Variants in ZCWPW2 observed in about 807,000 individuals in gnomAD.
ZCWPW2 encodes the protein zinc finger CW-type PWWP domain protein 2.
Under a neutral mutation model 46.6 loss-of-function variants are expected in ZCWPW2, and 45 were observed. The ratio of observed to expected loss-of-function variants is 0.96; its 90% CI spans 0.76 to 1.24. The LOEUF (loss-of-function observed/expected upper bound fraction) is 1.24. ZCWPW2 is among the 50% of genes most tolerant of loss of function. The pLI is 0.00. For missense variants in ZCWPW2, 429 were observed against 403.9 expected, an observed-to-expected ratio of 1.06 and a Z score of -0.53; for synonymous variants, 152 against 137.1, an observed-to-expected ratio of 1.11 and a Z score of -0.76.
At chr3:28,434,999 T>C in intron 3 of ZCWPW2, 111 bp from the exon 4 acceptor site, 1 of 1,109,578 alleles carries the variant, frequency 9.0e-7, no homozygotes, top group African/African-American at 1.6e-5. Context: ...ATATATGTTT[T>C]GTGAAAAGGC....
intron 1 of ZCWPW2, among the ~76,000 whole-genome samples, chr3:28,350,478 G>A (rs1164803225): frequency 5.3e-5 from 8 of 152,028 alleles, no homozygotes; most frequent in Non-Finnish European, 1.2e-4. Context: ...CTACACAGTG[G>A]GTTTATTAAC....
intron 6 of ZCWPW2, among the ~76,000 whole-genome samples, chr3:28,502,662 G>GT (rs554558406): frequency 1.6e-4 from 24 of 152,120 alleles, no homozygotes; most frequent in Non-Finnish European, 1.3e-4. Context: ...GGCAAGTAGT[G>GT]TAAGAAATGT....
At chr3:28,475,756 A>G (rs1191079683) in intron 4 of ZCWPW2, among the ~76,000 whole-genome samples, 1 of 152,144 alleles carries the variant, frequency 6.6e-6, no homozygotes, top group Non-Finnish European at 1.5e-5. Flanking sequence ...GGATTTATAT[A>G]TGGCTAACTT....
chr3:28,401,482 A>C (rs1358533573), intron 2 of ZCWPW2, among the ~76,000 whole-genome samples: 1 of 152,216 alleles, frequency 6.6e-6, no homozygotes, highest in Non-Finnish European at 1.5e-5. Context: ...CAACACAGTA[A>C]TAGTGGGGGA....
chr3:28,472,498 G>C (rs908024602), intron 4 of ZCWPW2, among the ~76,000 whole-genome samples: 1 of 152,124 alleles, frequency 6.6e-6, no homozygotes, highest in African/African-American at 2.4e-5. Flanking sequence ...AATAAATGTT[G>C]CTGAGAAAAC....
At chr3:28,442,261 C>A (rs1035863039) in intron 4 of ZCWPW2, among the ~76,000 whole-genome samples, 2 of 152,216 alleles carry the variant, frequency 1.3e-5, no homozygotes, top group Non-Finnish European at 2.9e-5. Context: ...AGCAACTTAT[C>A]CTTCACCTTA....
chr3:28,390,798 C>A (rs999434452), intron 2 of ZCWPW2, among the ~76,000 whole-genome samples, 181 bp downstream of exon 2: 1 of 152,096 alleles, frequency 6.6e-6, no homozygotes, highest in Non-Finnish European at 1.5e-5. Flanking sequence ...ATGACTTTCC[C>A]AAAGTTAGCC....
intron 4 of ZCWPW2, among the ~76,000 whole-genome samples, chr3:28,448,946 G>T (rs1232510613): frequency 6.6e-6 from 1 of 151,778 alleles, no homozygotes; most frequent in Non-Finnish European, 1.5e-5. Context: ...GAATCTCAAG[G>T]GACCCTGAAT....
At chr3:28,520,709 TA>T (rs958282766) in intron 8 of ZCWPW2, among the ~76,000 whole-genome samples, 11 of 151,804 alleles carry the variant, frequency 7.2e-5, no homozygotes, top group African/African-American at 1.7e-4. Flanking sequence ...GGCCCCTAAT[TA>T]AAAAAAAATT....
chr3:28,433,778 A>G (rs796645083), intron 3 of ZCWPW2, among the ~76,000 whole-genome samples: 12 of 151,108 alleles, frequency 7.9e-5, no homozygotes, highest in African/African-American at 2.7e-4. Context: ...AACAAAAAAC[A>G]AAAAACAAAA....
intron 1 of ZCWPW2, among the ~76,000 whole-genome samples, chr3:28,349,850 C>T (rs191194475): frequency 6.6e-6 from 1 of 152,274 alleles, no homozygotes; most frequent in Non-Finnish European, 1.5e-5. Flanking sequence ...AACTATCAGC[C>T]CAACTGTCAG....
intron 4 of ZCWPW2, among the ~76,000 whole-genome samples, chr3:28,439,316 C>T (rs1697635436): frequency 6.6e-6 from 1 of 151,900 alleles, no homozygotes; most frequent in South Asian, 2.1e-4. Flanking sequence ...AAGCATCCAG[C>T]ACGGGAGAAA....
At chr3:28,502,235 C>A (rs1050911283) in intron 6 of ZCWPW2, among the ~76,000 whole-genome samples, 1 of 152,044 alleles carries the variant, frequency 6.6e-6, no homozygotes, top group African/African-American at 2.4e-5. Flanking sequence ...TATAGGATAA[C>A]AATTAGTAGT....
intron 5 of ZCWPW2, among the ~76,000 whole-genome samples, chr3:28,479,735 C>T (rs1042802809): frequency 2.0e-5 from 3 of 152,118 alleles, no homozygotes; most frequent in Non-Finnish European, 4.4e-5. Context: ...CCCATGTATT[C>T]TTGTCAATTA....
intron 1 of ZCWPW2, among the ~76,000 whole-genome samples, chr3:28,387,809 TCTAACCAAAAAC>T (rs1695331109): frequency 2.0e-5 from 3 of 152,162 alleles, no homozygotes; most frequent in Non-Finnish European, 4.4e-5. Flanking sequence ...AATTTTAGAA[TCTAACCAAAAAC>T]TTAGTAACAC....
chr3:28,349,287 T>C, intron 1 of ZCWPW2, 84 bp downstream of exon 1: 1 of 852,068 alleles, frequency 1.2e-6, no homozygotes, highest in Non-Finnish European at 1.4e-6. Flanking sequence ...TCACTCAGTG[T>C]CCTTTTGGGG....
chr3:28,428,871 G>A (rs1387104226), intron 3 of ZCWPW2, among the ~76,000 whole-genome samples: 1 of 152,106 alleles, frequency 6.6e-6, no homozygotes, highest in Admixed American at 6.6e-5. Context: ...CTTTTGTCAT[G>A]ATTTTAAGTT....
chr3:28,462,631 T>C (rs1378021616), intron 4 of ZCWPW2, among the ~76,000 whole-genome samples: 1 of 152,170 alleles, frequency 6.6e-6, no homozygotes, highest in Non-Finnish European at 1.5e-5. Context: ...AGTTTGAAAA[T>C]TAAGATTTAT....
chr3:28,475,933 G>A (rs868672781), intron 4 of ZCWPW2, among the ~76,000 whole-genome samples: 4 of 151,994 alleles, frequency 2.6e-5, no homozygotes, highest in Non-Finnish European at 4.4e-5. Context: ...TTTTATGCTT[G>A]TTATATATTG....
Sources: gnomAD v4.1 joint callset for allele counts (sites outside exome capture counted in the v4.1 genomes callset) on GRCh38, gnomAD v4.1.1 for gene constraint, MANE v1.5 for transcripts, NCBI Gene and HGNC (gene_info 2026-07-23, HGNC 2026-07-21) for gene names.